SRSF12: variants seen among roughly 807,000 people sequenced by gnomAD.
The protein encoded by SRSF12 is serine and arginine rich splicing factor 12, also known as serine/arginine-rich splicing factor 12.
In SRSF12, 21 loss-of-function variants were observed where a neutral mutation model predicts 34.1. The ratio of observed to expected loss-of-function variants is 0.62; its 90% CI spans 0.44 to 0.89. The LOEUF (loss-of-function observed/expected upper bound fraction) is 0.89, where lower values mean the gene tolerates loss of function less well. Among genes scored for constraint, SRSF12 ranks in the 40% least tolerant of loss-of-function variants. The pLI, the probability that SRSF12 is intolerant of heterozygous loss-of-function variation, is 0.00. For missense variants in SRSF12, 278 were observed against 327.8 expected (o/e 0.85, Z 1.17); for synonymous variants, 111 against 110.8 (o/e 1.00, Z -0.01).
intron 4 of SRSF12, among the ~76,000 whole-genome samples, chr6:89,103,148 G>A (rs1352133798): frequency 6.6e-6 from 1 of 152,138 alleles, no homozygotes; most frequent in African/African-American, 2.4e-5. Context: ...GAATAGCATT[G>A]CCCTGAAAGA....
In SRSF12 at chr6:89,105,126, G is replaced by C. The variant is rs773964959; in HGVS notation, c.409C>G (p.Leu137Val). Residue 137 changes from leucine to valine, a missense_variant, in exon 4 of 5, where the codon CTT (leucine) becomes GTT (valine). Physicochemically the swap from Leu to Val is conservative, Grantham distance 32 (BLOSUM62 1). Coordinates refer to ENST00000452027, the MANE Select transcript of SRSF12 (RefSeq NM_080743.5). ...WGRNRRRSDS[L>V]KESRHRRFSY... ...CAGTCCTCTTATACTCACTCTTTAA[G>C]GCTGTCTGACCGCCTCCTATTTCTT... 1 of 1,611,624 alleles carries C rather than the reference G, an allele frequency of 6.2e-7. No homozygotes were observed. The highest frequency in any genetic ancestry group is 8.5e-7 in the Non-Finnish European group (1 of 1,178,560).
At position 89,098,728 on chromosome 6, in the gene SRSF12, T is replaced by A. The variant is rs1240625209; in HGVS notation, c.636A>T (p.Ser212=). 3 of 1,613,890 alleles carry A rather than the reference T, an allele frequency of 1.9e-6. No homozygotes were observed. The highest frequency in any genetic ancestry group is 2.5e-6 in the Non-Finnish European group (3 of 1,179,898). The change falls in exon 5 of 5, where the codon TCA becomes TCT. Residue 212 remains serine, a synonymous_variant. Coordinates refer to ENST00000452027, the MANE Select transcript of SRSF12 (RefSeq NM_080743.5). Reference sequence around the variant, plus strand: ...CTATTGAGTCAGAATGTCTTCCATGTGATCTTGATTTTGTTCCTGAGCTAG... The same window carrying A: ...CTATTGAGTCAGAATGTCTTCCATGAGATCTTGATTTTGTTCCTGAGCTAG... ...KQTSSGTKSR[S]HGRHSDSIAR...
intron 4 of SRSF12, among the ~76,000 whole-genome samples, chr6:89,099,421 TATATGTGTGTATATATATACAC>T (rs1211174605): frequency 7.2e-6 from 1 of 139,138 alleles, no homozygotes; most frequent in Non-Finnish European, 1.5e-5. Flanking sequence ...TATACATATA[TATATGTGTGTATATATATACAC>T]ATATATATGT....
chr6:89,098,005 T>C lies in SRSF12; in HGVS notation c.*573A>G, dbSNP rs1472709089. On this transcript the variant is annotated 3_prime_UTR_variant, in exon 5 of 5. Coordinates refer to ENST00000452027, the MANE Select transcript of SRSF12 (RefSeq NM_080743.5). ...TATACTGTTCTACCCAATAAAAATA[T>C]AACCTTTGAGCTTAGGAGAGAATGT... is the stretch of plus-strand genomic sequence containing the variant. 1.3e-5 allele frequency: 2 copies of C among 152,314 alleles called. No individual in the cohort carries two copies. The highest frequency in any genetic ancestry group is 6.5e-5 in the Admixed American group (1 of 15,272). 9.4% of individuals were successfully genotyped at this position (152,314 alleles called of 1,614,324 possible).
intron 4 of SRSF12, among the ~76,000 whole-genome samples, chr6:89,102,796 G>GTGGTGCAATCTCT (rs1768598282): frequency 6.6e-6 from 1 of 152,102 alleles, no homozygotes; most frequent in Non-Finnish European, 1.5e-5. Context: ...CTGTTGCCCA[G>GTGGTGCAATCTCT]GTTGGAGTGC....
At chr6:89,107,410 G>A (rs981209823) in intron 1 of SRSF12, among the ~76,000 whole-genome samples, 152 bp from the exon 2 acceptor site, 1 of 151,974 alleles carries the variant, frequency 6.6e-6, no homozygotes, top group Non-Finnish European at 1.5e-5. Flanking sequence ...GCAAGGTTTT[G>A]AAAGAAAGGG....
chr6:89,098,557 T>C lies in SRSF12; in HGVS notation c.*21A>G, dbSNP rs1768360399. 1 of 1,588,938 alleles carries C rather than the reference T, an allele frequency of 6.3e-7. No individual in the cohort carries two copies. The highest frequency in any genetic ancestry group is 8.6e-7 in the Non-Finnish European group (1 of 1,165,856). On this transcript the variant is annotated 3_prime_UTR_variant, in exon 5 of 5. Transcript: ENST00000452027. The stretch of plus-strand genomic sequence containing the variant: ...TTAATAACTTATATTAAAGACGGCG[T>C]GGTGCTCTTTCTGTTGCTGTTCACC...
rs943407207 is a variant in SRSF12, at chr6:89,105,011, G to A, written c.416+108C>T. On this transcript the variant is annotated intron_variant, in intron 4 of 4. Transcript: ENST00000452027. ...GTCAAGTCTACAGTGGGCCATGATCGCACACTACTGCACTCCAGCCTGGGA... is the reference window on the plus strand; with the variant it reads ...GTCAAGTCTACAGTGGGCCATGATCACACACTACTGCACTCCAGCCTGGGA... The A allele has an allele frequency of 2.0e-5, 22 of 1,109,830 alleles. 1 individual carries two copies. Among genetic ancestry groups the A allele is most frequent in the Middle Eastern group, 2.9e-4 (1 of 3,454 alleles). 68.7% of individuals were successfully genotyped at this position (1,109,830 alleles called of 1,614,324 possible).
At chr6:89,101,688 ACT>A (rs1437162421) in intron 4 of SRSF12, among the ~76,000 whole-genome samples, 1 of 133,120 alleles carries the variant, frequency 7.5e-6, no homozygotes, top group Non-Finnish European at 1.6e-5. Flanking sequence ...ACAGAGTGAG[ACT>A]CTGTCTCAAA....
chr6:89,102,623 G>C (rs887602073), intron 4 of SRSF12, among the ~76,000 whole-genome samples: 1 of 152,020 alleles, frequency 6.6e-6, no homozygotes, highest in African/African-American at 2.4e-5. Flanking sequence ...AATATATTTG[G>C]ACTAAAGAAA....
intron 4 of SRSF12, among the ~76,000 whole-genome samples, chr6:89,103,018 CCTCCCAGAGTG>C (rs1768608493): frequency 6.6e-6 from 1 of 152,182 alleles, no homozygotes; most frequent in East Asian, 1.9e-4. Context: ...CTCACCCTGG[CCTCCCAGAGTG>C]CTGGGATCAC....
At chr6:89,104,600 TAA>T (rs1273941251) in intron 4 of SRSF12, among the ~76,000 whole-genome samples, 2 of 149,594 alleles carry the variant, frequency 1.3e-5, no homozygotes, top group African/African-American at 5.1e-5. Context: ...TGTAAAAAGA[TAA>T]AGTTAAGTCT....
Position 89,118,057 on chromosome 6 carries a change from G to T in SRSF12, c.-170C>A. 2.6e-6 allele frequency: 1 copy of T among 381,564 alleles called. No homozygotes were observed. Among genetic ancestry groups the T allele is most frequent in the Non-Finnish European group, 4.0e-6 (1 of 250,150 alleles). 23.6% of individuals were successfully genotyped at this position (381,564 alleles called of 1,614,324 possible). On this transcript the variant is annotated 5_prime_UTR_variant, in exon 1 of 5. In the 5' UTR this introduces an upstream ATG that the reference lacks. Coordinates refer to ENST00000452027, the MANE Select transcript of SRSF12 (RefSeq NM_080743.5). Reference sequence around the variant, plus strand: ...CAGAGGCCGGCGCAGAGGGGGCGCAGCGCGGCGCCAGCCTGGACGCACGGG... The same window carrying T: ...CAGAGGCCGGCGCAGAGGGGGCGCATCGCGGCGCCAGCCTGGACGCACGGG...
At chr6:89,116,177 A>G (rs1769285574) in intron 1 of SRSF12, among the ~76,000 whole-genome samples, 1 of 152,168 alleles carries the variant, frequency 6.6e-6, no homozygotes, top group South Asian at 2.1e-4. Flanking sequence ...ACTGTGCCTT[A>G]TAGGCTGGCA....
chr6:89,112,292 C>G (rs572115979), intron 1 of SRSF12, among the ~76,000 whole-genome samples: 1 of 152,108 alleles, frequency 6.6e-6, no homozygotes, highest in African/African-American at 2.4e-5. Flanking sequence ...ATTCACAAAG[C>G]CTTTTAGTGT....
chr6:89,115,540 C>T (rs1769249729), intron 1 of SRSF12, among the ~76,000 whole-genome samples: 2 of 152,106 alleles, frequency 1.3e-5, no homozygotes, highest in Non-Finnish European at 2.9e-5. Context: ...ACTCGGTCTC[C>T]TAAAGTGCTG....
At chr6:89,112,580 C>CTT (rs200726634) in intron 1 of SRSF12, among the ~76,000 whole-genome samples, 91 of 144,340 alleles carry the variant, frequency 6.3e-4, no homozygotes, top group African/African-American at 2.1e-3. Context: ...GCCCGGCTAA[C>CTT]TTTTTTTTTT....
chr6:89,116,138 T>C (rs1769284083), intron 1 of SRSF12, among the ~76,000 whole-genome samples: 1 of 152,244 alleles, frequency 6.6e-6, no homozygotes, highest in Admixed American at 6.5e-5. Context: ...TTTGCTATTC[T>C]ATTTCTATTT....
rs55760020 is a variant in SRSF12 at position 89,103,991 on chromosome 6, C to CTTTTT, written c.416+1123_416+1127dup. On this transcript the variant is annotated intron_variant, in intron 4 of 4. Coordinates refer to ENST00000452027, the MANE Select transcript of SRSF12 (RefSeq NM_080743.5). ...TTTCACAAGGGATTTTATTATATTTCTTTTTTTTTTTTTTTTTTTTTTTTT... is the reference window on the plus strand; with the variant it reads ...TTTCACAAGGGATTTTATTATATTTCTTTTTTTTTTTTTTTTTTTTTTTTTTTTTT... Among the ~76,000 whole-genome samples, 14 of 81,950 alleles carry CTTTTT rather than the reference C, an allele frequency of 1.7e-4. 2 individuals carry two copies. The highest frequency in any genetic ancestry group is 6.1e-4 in the African/African-American group (13 of 21,378). 53.8% of individuals were successfully genotyped at this position (81,950 alleles called of 152,430 possible). A position where few individuals can be genotyped will look rare whatever the true frequency, so the allele number is the denominator to read the frequency against.
Sources: allele counts gnomAD v4.1 joint callset (sites outside exome capture counted in the v4.1 genomes callset), GRCh38; gene constraint gnomAD v4.1.1; transcripts MANE v1.5; gene names NCBI Gene and HGNC (gene_info 2026-07-23, HGNC 2026-07-21).